STXBP2: variants seen among roughly 807,000 people sequenced by gnomAD.
The protein encoded by STXBP2 is syntaxin binding protein 2.
Under a neutral mutation model 72.2 loss-of-function variants are expected in STXBP2, and 47 were observed. The observed-to-expected ratio is 0.65, with a 90% CI of 0.51 to 0.83. The LOEUF is 0.83. Among genes scored for constraint, STXBP2 ranks in the 40% least tolerant of loss-of-function variants. The probability of loss-of-function intolerance (pLI) is 0.00; values close to 1 mark genes in which losing one functional copy is unlikely to be tolerated. For synonymous variants in STXBP2, 367 were observed against 338.7 expected, an observed-to-expected ratio of 1.08 and a Z score of -0.92; for missense variants, 702 against 807.6, an observed-to-expected ratio of 0.87 and a Z score of 1.58.
At chr19:7,631,467 C>T in the STXBP2 span, 1 of 1,535,660 alleles carries the variant, frequency 6.5e-7, no homozygotes, top group Non-Finnish European at 8.7e-7. Flanking sequence ...GCTTCTCCAC[C>T]CCTAGCTTCA....
At position 7,647,349 on chromosome 19, in the gene STXBP2, C is replaced by T; in HGVS notation, c.1539-5C>T. 6.2e-7 allele frequency: 1 copy of T among 1,613,128 alleles called. No individual in the cohort carries two copies. The highest frequency in any genetic ancestry group is 2.2e-5 in the East Asian group (1 of 44,880). On this transcript the variant is annotated splice_polypyrimidine_tract_variant and splice_region_variant and intron_variant, in intron 17 of 18. Coordinates refer to ENST00000221283, the MANE Select transcript of STXBP2 (RefSeq NM_006949.4). ...GCCTGGACTTTCTGCCCCTGCCCTGCACAGTGCCCGCTTCGGTCACTGGCA... is the reference window on the plus strand; with the variant it reads ...GCCTGGACTTTCTGCCCCTGCCCTGTACAGTGCCCGCTTCGGTCACTGGCA...
the STXBP2 span, chr19:7,630,018 G>A: frequency 1.0e-6 from 1 of 956,582 alleles, no homozygotes; most frequent in Non-Finnish European, 1.5e-6. Flanking sequence ...TCCAGGAGAG[G>A]GGACGCTGGG....
At chr19:7,631,779 G>A in the STXBP2 span, 10 of 1,417,418 alleles carry the variant, frequency 7.1e-6, no homozygotes, top group Middle Eastern at 1.9e-4. Context: ...GTTGGGGACT[G>A]AGGGTCCCAG....
chr19:7,637,230 C>T, intron 1 of STXBP2, 44 bp downstream of exon 1: 1 of 1,105,066 alleles, frequency 9.0e-7, no homozygotes, highest in Non-Finnish European at 1.1e-6. Flanking sequence ...CGGTGTGGGA[C>T]GGGGGTCGGG....
upstream of STXBP2, chr19:7,632,252 C>A: frequency 1.5e-6 from 2 of 1,319,282 alleles, no homozygotes; most frequent in Middle Eastern, 1.9e-4. This position sits in a 1 kb window ranked among gnomAD's most constrained non-coding sequence, Gnocchi z 5.2. Context: ...ACTGCCTGGG[C>A]CTTGGTCCTC....
At chr19:7,630,750 T>TA in the STXBP2 span, 4 of 1,535,686 alleles carry the variant, frequency 2.6e-6, no homozygotes, top group Non-Finnish European at 1.7e-6. Context: ...CTGCCTCCCA[T>TA]AAGCCGACCC....
chr19:7,644,842 G>T, intron 14 of STXBP2, 90 bp downstream of exon 14: 1 of 1,596,714 alleles, frequency 6.3e-7, no homozygotes. Flanking sequence ...GCTCTCCTTG[G>T]GTCATTTGCA....
chr19:7,642,123 G>A lies in STXBP2; in HGVS notation c.663+5G>A. The A allele has an allele frequency of 6.2e-7, 1 of 1,614,080 alleles. No homozygotes were observed. The highest frequency in any genetic ancestry group is 8.5e-7 in the Non-Finnish European group (1 of 1,180,006). On this transcript the variant is annotated splice_donor_5th_base_variant and intron_variant, in intron 8 of 18. Transcript: ENST00000221283. The surrounding 1 kb of genome is among the most constrained non-coding windows in gnomAD (Gnocchi z 6.0). ...GACACTCCCAGTCTGGGCGAGGTGA[G>A]GGGGCGTGCTTGGGAGGTGAGGGGC...
upstream of STXBP2, chr19:7,632,554 G>T (rs969274822): frequency 2.5e-6 from 4 of 1,607,572 alleles, no homozygotes; most frequent in Admixed American, 1.7e-5. The surrounding 1 kb of genome is among the most constrained non-coding windows in gnomAD (Gnocchi z 5.2). Flanking sequence ...GGACACAGCC[G>T]GAGTGGGGGC....
At chr19:7,632,989 G>A, upstream of STXBP2, 1 of 1,429,984 alleles carries the variant, frequency 7.0e-7, no homozygotes, top group South Asian at 1.5e-5. This position sits in a 1 kb window ranked among gnomAD's most constrained non-coding sequence, Gnocchi z 5.2. Flanking sequence ...GAGCTGTTCT[G>A]AATGAGACAT....
upstream of STXBP2, chr19:7,633,847 C>T (rs763337785): frequency 3.4e-5 from 7 of 204,688 alleles, no homozygotes; most frequent in Non-Finnish European, 6.8e-5. Context: ...CCCCACCCAG[C>T]CACCCAGGTT....
intron 3 of STXBP2, 68 bp from the exon 4 acceptor site, chr19:7,639,663 A>C (rs1599390246): frequency 6.7e-7 from 1 of 1,482,496 alleles, no homozygotes; most frequent in Non-Finnish European, 9.3e-7. Flanking sequence ...AACCCCCCAC[A>C]CCTGAGACTC....
At chr19:7,636,040 G>T (rs1300949197), upstream of STXBP2, among the ~76,000 whole-genome samples, 1 of 152,130 alleles carries the variant, frequency 6.6e-6, no homozygotes, top group East Asian at 1.9e-4. Flanking sequence ...GCCCTCGGGG[G>T]TCATCCTCAG....
chr19:7,644,918 G>C, intron 14 of STXBP2, 166 bp downstream of exon 14: 1 of 1,470,230 alleles, frequency 6.8e-7, no homozygotes. Flanking sequence ...CATTGGCTTG[G>C]GGATTCCTCC....
intron 13 of STXBP2, 88 bp from the exon 14 acceptor site, chr19:7,644,526 G>C: frequency 6.3e-7 from 1 of 1,576,760 alleles, no homozygotes; most frequent in Non-Finnish European, 8.6e-7. Context: ...TCCTCTTGCC[G>C]AGGATCCTGG....
Position 7,642,659 on chromosome 19 carries a change from C to A in STXBP2, c.903-107C>A, listed in dbSNP as rs1185016452. 7.4e-6 allele frequency: 11 copies of A among 1,477,836 alleles called. No homozygotes were observed. In the African/African-American group the frequency reaches 1.2e-4, roughly 17 times the overall value. 91.5% of individuals were successfully genotyped at this position (1,477,836 alleles called of 1,614,324 possible). On this transcript the variant is annotated intron_variant, in intron 10 of 18. Transcript: ENST00000221283. The surrounding 1 kb of genome is among the most constrained non-coding windows in gnomAD (Gnocchi z 6.0). ...TGAGCACCCCTCGTGTGACTCCAGACTGGCCTCCAATTTCACCCCACCTCT... is the reference window on the plus strand; with the variant it reads ...TGAGCACCCCTCGTGTGACTCCAGAATGGCCTCCAATTTCACCCCACCTCT...
the STXBP2 span, chr19:7,631,402 G>C: frequency 1.4e-4 from 160 of 1,110,892 alleles, no homozygotes; most frequent in East Asian, 3.7e-3. Context: ...AGGTGGGCGG[G>C]GGGGGGTGGT....
chr19:7,636,276 A>T (rs534419879), upstream of STXBP2: 1 of 152,152 alleles, frequency 6.6e-6, no homozygotes, highest in Non-Finnish European at 1.5e-5. Flanking sequence ...TCGCACCTTA[A>T]ATCGGAGACC....
At position 7,647,474 on chromosome 19, in the gene STXBP2, G is replaced by T; in HGVS notation, c.1659G>T (p.Val553=). Residue 553 remains valine, a synonymous_variant, in exon 18 of 19, where the codon GTG becomes GTT. Coordinates refer to ENST00000221283, the MANE Select transcript of STXBP2 (RefSeq NM_006949.4). ...AMSEMRAAYE[V]TRATEGKWEV... The stretch of plus-strand genomic sequence containing the variant: ...CAGAGATGAGGGCCGCCTACGAGGT[G>T]ACCAGGGCCACCGAGGGCAAGTGGG... 6.2e-7 allele frequency: 1 copy of T among 1,610,566 alleles called. No homozygotes were observed. Among genetic ancestry groups the T allele is most frequent in the East Asian group, 2.2e-5 (1 of 44,644 alleles).
Sources: allele counts gnomAD v4.1 joint callset (sites outside exome capture counted in the v4.1 genomes callset), GRCh38; gene constraint gnomAD v4.1.1; non-coding constraint Gnocchi (gnomAD v3.1); transcripts MANE v1.5; gene names NCBI Gene and HGNC (gene_info 2026-07-23, HGNC 2026-07-21).